Variants in EYS observed in about 807,000 individuals in gnomAD.
EYS encodes the protein EGF-like photoreceptor maintenance factor.
EYS carries 250 observed loss-of-function variants against 282.1 expected under a neutral mutation model. The ratio of observed to expected loss-of-function variants is 0.89; its 90% confidence interval spans 0.80 to 0.98. EYS has a LOEUF of 0.98. EYS is among the 50% of genes least tolerant of loss of function. EYS has a pLI of 0.00. For missense variants in EYS, 4,016 were observed against 3,709.0 expected (o/e 1.08, Z -2.15); for synonymous variants, 1,355 against 1,282.9 (o/e 1.06, Z -1.20).
intron 12 of EYS, among the ~76,000 whole-genome samples, chr6:65,060,120 C>T (rs890516099): frequency 2.6e-5 from 4 of 151,964 alleles, no homozygotes; most frequent in Admixed American, 6.6e-5. Flanking sequence ...TCTTTCCACC[C>T]CTCATCCGTA....
At chr6:65,052,302 T>C (rs1385889430) in intron 13 of EYS, among the ~76,000 whole-genome samples, 2 of 151,556 alleles carry the variant, frequency 1.3e-5, no homozygotes, top group Non-Finnish European at 3.0e-5. Flanking sequence ...TTTTCTTATG[T>C]AGAAAGAAAA....
chr6:65,525,656 C>G (rs2127301879), intron 2 of EYS, among the ~76,000 whole-genome samples: 1 of 152,318 alleles, frequency 6.6e-6, no homozygotes, highest in Middle Eastern at 3.4e-3. Flanking sequence ...CATGAAATAA[C>G]TAATCACTGA....
At chr6:64,950,142 A>AC (rs1195823484) in intron 14 of EYS, among the ~76,000 whole-genome samples, 4 of 151,998 alleles carry the variant, frequency 2.6e-5, no homozygotes, top group Non-Finnish European at 5.9e-5. Context: ...ATTTATGAAC[A>AC]CAGACTTACA....
chr6:63,788,647 T>C (rs1408114875), intron 38 of EYS, among the ~76,000 whole-genome samples: 3 of 152,042 alleles, frequency 2.0e-5, no homozygotes, highest in African/African-American at 7.2e-5. Flanking sequence ...AAATATAAAC[T>C]TCTTAGCACA....
intron 22 of EYS, among the ~76,000 whole-genome samples, chr6:64,659,030 A>G (rs552845750): frequency 3.2e-4 from 48 of 152,150 alleles, no homozygotes; most frequent in Admixed American, 1.1e-3. Context: ...GAAATTATAA[A>G]CTGTCTTTCA....
intron 22 of EYS, among the ~76,000 whole-genome samples, chr6:64,735,198 C>G (rs1772146983): frequency 6.6e-6 from 1 of 152,186 alleles, no homozygotes; most frequent in African/African-American, 2.4e-5. Context: ...ATTCTCCTGC[C>G]TCAGCCTCCC....
At chr6:63,904,178 ACTGTCCTTGCTTCATGCT>A (rs1773720276) in intron 35 of EYS, among the ~76,000 whole-genome samples, 1 of 152,138 alleles carries the variant, frequency 6.6e-6, no homozygotes, top group Non-Finnish European at 1.5e-5. Flanking sequence ...CTGTGTCTCA[ACTGTCCTTGCTTCATGCT>A]CTTGGAGTAG....
chr6:64,489,237 A>C (rs1776664747), intron 26 of EYS, among the ~76,000 whole-genome samples: 1 of 150,886 alleles, frequency 6.6e-6, no homozygotes, highest in Non-Finnish European at 1.5e-5. Flanking sequence ...CATTGTACAT[A>C]GACCATAGAA....
At chr6:65,663,738 G>A (rs181689946) in intron 1 of EYS, among the ~76,000 whole-genome samples, 2,948 of 152,290 alleles carry the variant, frequency 0.019, 45 homozygotes, top group South Asian at 0.033. Flanking sequence ...CTGGAGTGCA[G>A]TGGCACGATC....
At chr6:65,118,306 G>A (rs1998285) in intron 12 of EYS, among the ~76,000 whole-genome samples, 39,599 of 151,988 alleles carry the variant, frequency 0.26, 6,308 homozygotes, top group African/African-American at 0.44. Flanking sequence ...CATGATGAGG[G>A]CCTAGTTAGG....
At chr6:64,974,022 G>A (rs1179946404) in intron 14 of EYS, among the ~76,000 whole-genome samples, 1 of 151,796 alleles carries the variant, frequency 6.6e-6, no homozygotes, top group African/African-American at 2.4e-5. Context: ...ATACACAGCA[G>A]CATGAAAAAG....
intron 19 of EYS, among the ~76,000 whole-genome samples, chr6:64,851,883 C>A (rs760189814): frequency 1.3e-5 from 2 of 151,882 alleles, no homozygotes; most frequent in East Asian, 3.9e-4. Context: ...TACAAGAAAC[C>A]CCCATGACAT....
intron 14 of EYS, among the ~76,000 whole-genome samples, chr6:64,963,055 G>C (rs1050980034): frequency 7.2e-5 from 11 of 152,082 alleles, no homozygotes; most frequent in Non-Finnish European, 1.6e-4. Context: ...ATGAATGTGT[G>C]CGTGCATGTA....
chr6:64,702,460 CTA>C (rs1369726952), intron 22 of EYS, among the ~76,000 whole-genome samples: 1 of 152,016 alleles, frequency 6.6e-6, no homozygotes, highest in African/African-American at 2.4e-5. Context: ...TTTTATATAT[CTA>C]TATGTTACAT....
chr6:63,822,987 G>T (rs1420700976), intron 36 of EYS, among the ~76,000 whole-genome samples: 1 of 152,050 alleles, frequency 6.6e-6, no homozygotes, highest in Non-Finnish European at 1.5e-5. Context: ...TTGATTGGAT[G>T]TCTTATTTGT....
At chr6:65,483,107 A>C (rs1358611637) in intron 5 of EYS, among the ~76,000 whole-genome samples, 2 of 152,140 alleles carry the variant, frequency 1.3e-5, no homozygotes, top group African/African-American at 4.8e-5. Context: ...ATTACAATTA[A>C]GAATACATTT....
chr6:65,475,104 T>C (rs1211155936), intron 5 of EYS, among the ~76,000 whole-genome samples: 1 of 152,084 alleles, frequency 6.6e-6, no homozygotes, highest in Non-Finnish European at 1.5e-5. Flanking sequence ...CAGAAAATTA[T>C]AGTGTCTCTT....
intron 30 of EYS, among the ~76,000 whole-genome samples, chr6:64,246,543 A>G (rs1420049676): frequency 6.6e-6 from 1 of 152,190 alleles, no homozygotes; most frequent in Non-Finnish European, 1.5e-5. Context: ...TACAGTTTGC[A>G]TAGCTCAATA....
At chr6:64,749,062 C>G (rs994324960) in intron 22 of EYS, among the ~76,000 whole-genome samples, 5 of 152,222 alleles carry the variant, frequency 3.3e-5, no homozygotes, top group Non-Finnish European at 7.3e-5. Flanking sequence ...CGTGAGCCAC[C>G]ATGCCTGGCC....
Sources: gnomAD v4.1 joint callset for allele counts (sites outside exome capture counted in the v4.1 genomes callset) on GRCh38, gnomAD v4.1.1 for gene constraint, MANE v1.5 for transcripts, NCBI Gene and HGNC (gene_info 2026-07-23, HGNC 2026-07-21) for gene names.